EYA1: variants seen among roughly 807,000 people sequenced by gnomAD.
EYA1 encodes the protein protein phosphatase EYA1.
A neutral mutation model predicts 82.0 loss-of-function variants in EYA1; 16 were observed. The ratio of observed to expected loss-of-function variants is 0.20; its 90% CI spans 0.13 to 0.30. The LOEUF (loss-of-function observed/expected upper bound fraction) is 0.30, where lower values mean the gene tolerates loss of function less well. EYA1 is among the 10% of genes least tolerant of loss of function. EYA1 has a pLI of 1.00. For missense variants in EYA1, 633 were observed against 730.7 expected, an observed-to-expected ratio of 0.87 and a Z score of 1.54; for synonymous variants, 261 against 264.4, an observed-to-expected ratio of 0.99 and a Z score of 0.12.
chr8:71,215,581 A>G (rs754994042), intron 15 of EYA1, 33 bp downstream of exon 15: 1 of 1,610,440 alleles, frequency 6.2e-7, no homozygotes. Flanking sequence ...AGCATTGCCC[A>G]TTTCCTGGCA....
At chr8:71,282,270 G>A (rs1373496762) in intron 9 of EYA1, among the ~76,000 whole-genome samples, 2 of 152,144 alleles carry the variant, frequency 1.3e-5, no homozygotes, top group East Asian at 1.9e-4. Context: ...GTGCACACAA[G>A]CTAGATAGAT....
intron 2 of EYA1, among the ~76,000 whole-genome samples, chr8:71,386,716 C>T (rs563649949): frequency 3.0e-4 from 45 of 152,140 alleles, no homozygotes; most frequent in African/African-American, 4.3e-4. Flanking sequence ...ATGATATAAA[C>T]GTAATTAGAA....
intron 2 of EYA1, among the ~76,000 whole-genome samples, chr8:71,484,637 C>G (rs954506238): frequency 2.0e-5 from 3 of 152,242 alleles, no homozygotes; most frequent in Non-Finnish European, 4.4e-5. Context: ...CTCACATTTT[C>G]ATTTTGCACT....
intron 2 of EYA1, among the ~76,000 whole-genome samples, chr8:71,497,037 A>G (rs1460962289): frequency 6.6e-6 from 1 of 152,220 alleles, no homozygotes; most frequent in Non-Finnish European, 1.5e-5. Flanking sequence ...CTGCACAGCA[A>G]AGGAAACAAT....
At chr8:71,329,581 C>G (rs1184379974) in intron 4 of EYA1, among the ~76,000 whole-genome samples, 1 of 152,190 alleles carries the variant, frequency 6.6e-6, no homozygotes, top group Non-Finnish European at 1.5e-5. Flanking sequence ...ACTCTTCAAG[C>G]TCACATGCCT....
At chr8:71,425,104 C>CAAAAA (rs71264555) in intron 2 of EYA1, among the ~76,000 whole-genome samples, 51 of 75,270 alleles carry the variant, frequency 6.8e-4, no homozygotes, top group African/African-American at 1.8e-3. Context: ...ACTAAAAATA[C>CAAAAA]AAAAAAAAAA....
chr8:71,470,304 G>A (rs1284195179), intron 2 of EYA1, among the ~76,000 whole-genome samples: 3 of 151,998 alleles, frequency 2.0e-5, no homozygotes, highest in Admixed American at 2.0e-4. Flanking sequence ...TTTAACCTCT[G>A]AGGCTTAGGG....
chr8:71,448,025 T>TTTTTTTTTTTTTTTTTAACGGAG (rs935912194), intron 2 of EYA1, among the ~76,000 whole-genome samples: 4 of 116,734 alleles, frequency 3.4e-5, no homozygotes, highest in East Asian at 3.3e-4. Context: ...TTTTTTTTTT[T>TTTTTTTTTTTTTTTTTAACGGAG]TCTCGCTCCG....
rs546875932 is a variant in EYA1 at position 71,233,295 on chromosome 8, T to C, written c.1140+11308A>G. On this transcript the variant is annotated intron_variant, in intron 12 of 17. Coordinates refer to ENST00000340726, the MANE Select transcript of EYA1 (RefSeq NM_000503.6). ...AGCCTTTGTTTTCTGCCGGGTGCGGTGGCTCATGCCTGTAATCCCAGCACT... is the reference window on the plus strand; with the variant it reads ...AGCCTTTGTTTTCTGCCGGGTGCGGCGGCTCATGCCTGTAATCCCAGCACT... Among the ~76,000 whole-genome samples the C allele has an allele frequency of 2.6e-5, 4 of 152,322 alleles. No homozygotes were observed. The East Asian group carries it at 7.7e-4, about 29-fold the overall frequency.
chr8:71,461,667 C>T (rs1224909039), intron 2 of EYA1, among the ~76,000 whole-genome samples: 2 of 152,138 alleles, frequency 1.3e-5, no homozygotes, highest in Non-Finnish European at 2.9e-5. Context: ...TTTGGAGGGT[C>T]TCAAATTCTT....
chr8:71,352,316 A>G lies in EYA1; in HGVS notation c.124+2466T>C, dbSNP rs189765015. On this transcript the variant is annotated intron_variant, in intron 3 of 17. Transcript: ENST00000340726. ...TTATGAGACATATAAGTAGCATGAT[A>G]AACTGATTCACACACTTAATAAAAA... Among the ~76,000 whole-genome samples the G allele has an allele frequency of 1.6e-4, 24 of 152,314 alleles. No individual in the cohort carries two copies. The East Asian group carries it at 4.6e-3, about 29-fold the overall frequency.
chr8:71,239,119 G>A (rs1812179111), intron 12 of EYA1, among the ~76,000 whole-genome samples: 1 of 152,082 alleles, frequency 6.6e-6, no homozygotes, highest in Non-Finnish European at 1.5e-5. Flanking sequence ...GAAACAAGAA[G>A]AGCAATAAAA....
chr8:71,473,503 C>A (rs1009749506), intron 2 of EYA1, among the ~76,000 whole-genome samples: 1 of 152,032 alleles, frequency 6.6e-6, no homozygotes, highest in Non-Finnish European at 1.5e-5. Context: ...CAATGAGATA[C>A]CATCTCATGC....
intron 2 of EYA1, among the ~76,000 whole-genome samples, chr8:71,440,631 T>C (rs1333415795): frequency 6.6e-6 from 1 of 152,138 alleles, no homozygotes; most frequent in African/African-American, 2.4e-5. Context: ...AAATGTGGAA[T>C]ATCCAGTGGG....
At chr8:71,471,002 T>C in intron 2 of EYA1, 1 of 417,796 alleles carries the variant, frequency 2.4e-6, no homozygotes, top group Non-Finnish European at 4.7e-6. Context: ...TTCCCACATC[T>C]TTAAAAAATT....
intron 2 of EYA1, among the ~76,000 whole-genome samples, chr8:71,476,137 T>A (rs1305283469): frequency 6.6e-6 from 1 of 152,132 alleles, no homozygotes; most frequent in Non-Finnish European, 1.5e-5. Context: ...CAATCCTTCA[T>A]ATACCTTTTA....
intron 12 of EYA1, among the ~76,000 whole-genome samples, chr8:71,237,112 C>T (rs1364327384): frequency 6.6e-6 from 1 of 151,720 alleles, no homozygotes; most frequent in Non-Finnish European, 1.5e-5. Context: ...AGTGCAGTGG[C>T]ATGATCTCGG....
intron 9 of EYA1, among the ~76,000 whole-genome samples, chr8:71,291,923 C>A: frequency 6.6e-6 from 1 of 151,948 alleles, no homozygotes. Flanking sequence ...TGATAGCTAT[C>A]AAAATTATGA....
chr8:71,449,053 TA>T, intron 2 of EYA1: 1 of 167,206 alleles, frequency 6.0e-6, no homozygotes, highest in South Asian at 1.9e-4. Flanking sequence ...AGTTTTCAAG[TA>T]CGTGTTTTTC....
Sources: allele counts gnomAD v4.1 joint callset (sites outside exome capture counted in the v4.1 genomes callset), GRCh38; gene constraint gnomAD v4.1.1; transcripts MANE v1.5; gene names NCBI Gene and HGNC (gene_info 2026-07-23, HGNC 2026-07-21).